The following NSUN2 variants were observed in gnomAD, a reference collection of about 807,000 sequenced individuals.
NSUN2 encodes RNA cytosine C(5)-methyltransferase NSUN2.
NSUN2 carries 63 observed loss-of-function variants against 92.7 expected under a neutral mutation model. The ratio of observed to expected loss-of-function variants is 0.68; its 90% confidence interval spans 0.56 to 0.84. NSUN2 has a LOEUF of 0.84. Among genes scored for constraint, NSUN2 ranks in the 40% least tolerant of loss-of-function variants. NSUN2 has a pLI of 0.00. For missense variants in NSUN2, 989 were observed against 964.9 expected, an observed-to-expected ratio of 1.02 and a Z score of -0.33; for synonymous variants, 356 against 348.3, an observed-to-expected ratio of 1.02 and a Z score of -0.25.
At chr5:6,629,179 T>C (rs1027364744) in intron 3 of NSUN2, among the ~76,000 whole-genome samples, 1 of 152,246 alleles carries the variant, frequency 6.6e-6, no homozygotes, top group South Asian at 2.1e-4. Flanking sequence ...AGCTGGCTGT[T>C]GGCAGAGAGC....
intron 17 of NSUN2, among the ~76,000 whole-genome samples, chr5:6,603,574 C>T (rs1736640738): frequency 6.6e-6 from 1 of 152,162 alleles, no homozygotes; most frequent in African/African-American, 2.4e-5. Flanking sequence ...GCTTGTAGTC[C>T]CAGCTACTTG....
intron 3 of NSUN2, among the ~76,000 whole-genome samples, chr5:6,626,424 T>C (rs116705124): frequency 1.0e-3 from 153 of 151,954 alleles, no homozygotes; most frequent in African/African-American, 3.3e-3. Context: ...GGCTGGAGTG[T>C]AGTGGTGTAA....
rs914130347 is a variant in NSUN2, at chr5:6,632,891, C to T, written c.89G>A (p.Gly30Asp). The change falls in exon 1 of 19, where the codon GGC becomes GAC. Residue 30 changes from glycine to aspartate, a missense_variant. By Grantham distance (94) the Gly-to-Asp change is moderately conservative (BLOSUM62 -1). This residue lies in a region of NSUN2 where 356 missense variants were observed against 338.6 expected (regional missense o/e 1.05). Transcript: ENST00000264670. ...EDGAEGGGKR[G>D]EAGWEGGYPE... The stretch of plus-strand genomic sequence containing the variant: ...CCGGGTCCCGGCTCCTACCGCCTCG[C>T]CGCGCTTTCCACCACCCTCGGCGCC... 2 of 1,531,480 alleles carry T rather than the reference C, an allele frequency of 1.3e-6. No individual in the cohort carries two copies. The highest frequency in any genetic ancestry group is 2.4e-5 in the South Asian group (2 of 83,794). The allele number at this position is 1,531,480 out of a possible 1,614,324, so 94.9% of individuals were successfully genotyped here.
chr5:6,618,600 G>A (rs2126493819), intron 7 of NSUN2, among the ~76,000 whole-genome samples: 1 of 152,114 alleles, frequency 6.6e-6, no homozygotes, highest in South Asian at 2.1e-4. Context: ...TATGAATAAT[G>A]ACTAATAAAT....
chr5:6,601,441 C>A (rs1252917324), intron 18 of NSUN2, among the ~76,000 whole-genome samples: 1 of 152,098 alleles, frequency 6.6e-6, no homozygotes, highest in Non-Finnish European at 1.5e-5. Flanking sequence ...CTCATGCGCT[C>A]GGCCTCGCTG....
intron 7 of NSUN2, among the ~76,000 whole-genome samples, chr5:6,619,047 A>G (rs1055609834): frequency 2.0e-5 from 3 of 152,210 alleles, no homozygotes; most frequent in South Asian, 2.1e-4. Flanking sequence ...CCTCTTGCTC[A>G]TAAGGTCACT....
At chr5:6,613,941 A>G (rs1338694058) in intron 9 of NSUN2, among the ~76,000 whole-genome samples, 1 of 152,022 alleles carries the variant, frequency 6.6e-6, no homozygotes, top group Non-Finnish European at 1.5e-5. Context: ...TACTAAAAAT[A>G]CAAAAATTGG....
chr5:6,606,984 T>G, intron 13 of NSUN2, 72 bp from the exon 14 acceptor site: 2 of 1,050,374 alleles, frequency 1.9e-6, no homozygotes, highest in East Asian at 2.4e-5. Context: ...AAGCACATTC[T>G]TCCTTTCTGT....
intron 3 of NSUN2, among the ~76,000 whole-genome samples, chr5:6,629,774 A>G (rs1250694977): frequency 2.0e-5 from 3 of 152,032 alleles, no homozygotes; most frequent in African/African-American, 7.3e-5. Context: ...CGTTTCCCTC[A>G]TGTTGTTCTC....
rs756599865 is a variant in NSUN2 at position 6,620,114 on chromosome 5, G to C, written c.807C>G (p.Val269=). ...GCCAATAAGATAAATACCTGCAAGG[G>C]ACATCACATAAAATTCGATCATAGA... ...ILFYDRILCD[V]PCSGDGTMRK... The change falls in exon 7 of 19, where the codon GTC becomes GTG. Residue 269 remains valine, a synonymous_variant. Transcript: ENST00000264670. The C allele has an allele frequency of 6.3e-7, 1 of 1,594,006 alleles. No homozygotes were observed. Among genetic ancestry groups the C allele is most frequent in the East Asian group, 2.3e-5 (1 of 44,098 alleles).
At chr5:6,631,580 G>C (rs1579383685) in intron 3 of NSUN2, among the ~76,000 whole-genome samples, 1 of 152,214 alleles carries the variant, frequency 6.6e-6, no homozygotes, top group Admixed American at 6.5e-5. Context: ...TTTGATGTGA[G>C]AAAACAAGGG....
intron 18 of NSUN2, 142 bp downstream of exon 18, chr5:6,602,319 T>A (rs1302691664): frequency 8.8e-6 from 7 of 793,106 alleles, no homozygotes; most frequent in Non-Finnish European, 1.5e-5. Flanking sequence ...GTTCTGAAGT[T>A]TTCACAAGGC....
chr5:6,617,890 C>T (rs1472058573), intron 8 of NSUN2, 60 bp downstream of exon 8: 7 of 1,343,454 alleles, frequency 5.2e-6, no homozygotes, highest in Non-Finnish European at 7.4e-6. Context: ...ACTTGCATAA[C>T]AATAAATCTC....
Position 6,632,700 on chromosome 5 carries a change from G to A in NSUN2, c.153C>T (p.Tyr51=). 1.2e-6 allele frequency: 2 copies of A among 1,614,174 alleles called. No homozygotes were observed. The highest frequency in any genetic ancestry group is 4.5e-5 in the East Asian group (2 of 44,852). The change falls in exon 2 of 19, where the codon TAC becomes TAT. Residue 51 remains tyrosine, a synonymous_variant. Transcript: ENST00000264670. ...IVKENKLFEH[Y]YQELKIVPEG... is the part of the protein sequence containing the mutation. ...CGGGCACGATCTTGAGCTCCTGGTA[G>A]TAGTGCTCGAACAGCTTGTTCTCCT...
intron 4 of NSUN2, among the ~76,000 whole-genome samples, chr5:6,625,253 T>C (rs1023483249): frequency 2.6e-5 from 4 of 152,198 alleles, no homozygotes; most frequent in Non-Finnish European, 5.9e-5. Flanking sequence ...CTGAAATGTG[T>C]ACCTAAGAAG....
chr5:6,610,005 T>C, intron 11 of NSUN2, 83 bp from the exon 12 acceptor site: 5 of 924,588 alleles, frequency 5.4e-6, no homozygotes, highest in Non-Finnish European at 8.1e-6. Context: ...GCAAAGATGA[T>C]ACAAGAGAAA....
chr5:6,605,475 C>T, intron 14 of NSUN2, 67 bp from the exon 15 acceptor site: 1 of 1,527,398 alleles, frequency 6.5e-7, no homozygotes, highest in Non-Finnish European at 9.0e-7. Context: ...TTCTAAACAT[C>T]TTATTCTCCT....
chr5:6,620,585 A>G (rs912468701), intron 6 of NSUN2: 10 of 271,914 alleles, frequency 3.7e-5, no homozygotes, highest in Admixed American at 3.2e-4. Flanking sequence ...TGTTATTAGT[A>G]ACGATTAACT....
chr5:6,609,378 T>C (rs2126479374), intron 12 of NSUN2, among the ~76,000 whole-genome samples: 1 of 152,264 alleles, frequency 6.6e-6, no homozygotes, highest in African/African-American at 2.4e-5. Context: ...GCTGCATCTT[T>C]CTAGCCAGGT....
Sources: allele counts gnomAD v4.1 joint callset (sites outside exome capture counted in the v4.1 genomes callset), GRCh38; gene constraint gnomAD v4.1.1; regional missense constraint gnomAD v4.1.1; transcripts MANE v1.5; gene names NCBI Gene and HGNC (gene_info 2026-07-23, HGNC 2026-07-21).